CRYBB2: variants seen among roughly 807,000 people sequenced by gnomAD.
CRYBB2 encodes beta-crystallin B2.
In CRYBB2, 12 loss-of-function variants were observed where a neutral mutation model predicts 24.3. That is an observed-to-expected ratio of 0.49 (90% CI 0.32 to 0.80). The LOEUF is 0.80. Among genes scored for constraint, CRYBB2 ranks in the 30% least tolerant of loss-of-function variants. The probability of loss-of-function intolerance (pLI) is 0.04; values close to 1 mark genes in which losing one functional copy is unlikely to be tolerated. For synonymous variants in CRYBB2, 98 were observed against 101.6 expected (o/e 0.96, Z 0.21); for missense variants, 198 against 268.5 (o/e 0.74, Z 1.83).
At chr22:25,227,301 TAAC>T (rs921061167) in intron 3 of CRYBB2, among the ~76,000 whole-genome samples, 7 of 152,056 alleles carry the variant, frequency 4.6e-5, no homozygotes, top group African/African-American at 1.7e-4. Context: ...GGGCAGAGTC[TAAC>T]AACAGGAACA....
intron 2 of CRYBB2, among the ~76,000 whole-genome samples, chr22:25,222,556 T>G (rs1234920373): frequency 1.3e-5 from 2 of 152,042 alleles, no homozygotes; most frequent in African/African-American, 2.4e-5. Flanking sequence ...CTGGGCAACA[T>G]AGTGAGATCC....
upstream of CRYBB2, among the ~76,000 whole-genome samples, chr22:25,216,880 T>TG (rs1747487463): frequency 2.0e-5 from 3 of 152,206 alleles, no homozygotes; most frequent in Middle Eastern, 3.2e-3. Context: ...TCATACAATA[T>TG]TTGTCCTTTT....
upstream of CRYBB2, among the ~76,000 whole-genome samples, chr22:25,217,287 C>A (rs184489352): frequency 6.6e-6 from 1 of 151,940 alleles, no homozygotes; most frequent in Non-Finnish European, 1.5e-5. Flanking sequence ...CACTTTATTA[C>A]AGCAGCCCTG....
upstream of CRYBB2, among the ~76,000 whole-genome samples, chr22:25,216,787 C>T (rs187072293): frequency 4.1e-4 from 63 of 152,270 alleles, no homozygotes; most frequent in African/African-American, 1.4e-3. Context: ...CCCCATTCCC[C>T]GCTCCTCCCA....
At chr22:25,217,103 A>G (rs1935180350), upstream of CRYBB2, among the ~76,000 whole-genome samples, 1 of 151,740 alleles carries the variant, frequency 6.6e-6, no homozygotes, top group South Asian at 2.1e-4. Context: ...ATATCTCTTC[A>G]ATTCCCTGCT....
chr22:25,218,846 A>AAG (rs1228113746), upstream of CRYBB2, among the ~76,000 whole-genome samples: 1 of 122,218 alleles, frequency 8.2e-6, no homozygotes, highest in African/African-American at 3.5e-5. Flanking sequence ...AAGAGAAAGA[A>AAG]AGAAAGAAAG....
In CRYBB2 at chr22:25,227,965, T is replaced by A. The variant is rs1209599726; in HGVS notation, c.286T>A (p.Ser96Thr). The part of the protein sequence containing the change: ...TSSRRTDSLS[S>T]LRPIKVDSQE... The stretch of plus-strand genomic sequence containing the variant: ...CAGCCGAAGGACGGACTCCCTCAGC[T>A]CCCTGAGGCCCATCAAAGTGGTGAG... The change falls in exon 4 of 6, where the codon TCC (serine) becomes ACC (threonine). Residue 96 changes from serine to threonine, a missense_variant. Ser to Thr is a moderately conservative substitution (Grantham distance 58, BLOSUM62 1). Coordinates refer to ENST00000398215, the MANE Select transcript of CRYBB2 (RefSeq NM_000496.3). 2 of 1,614,074 alleles carry A rather than the reference T, an allele frequency of 1.2e-6. No homozygotes were observed. The highest frequency in any genetic ancestry group is 4.5e-5 in the East Asian group (2 of 44,870).
At chr22:25,220,247 G>A (rs1233068047) in intron 1 of CRYBB2, among the ~76,000 whole-genome samples, 2 of 152,190 alleles carry the variant, frequency 1.3e-5, no homozygotes, top group African/African-American at 4.8e-5. Context: ...ACGGCCAAGT[G>A]CTTCCGGTTT....
chr22:25,218,826 GA>G (rs1236762147), upstream of CRYBB2, among the ~76,000 whole-genome samples: 8 of 113,764 alleles, frequency 7.0e-5, no homozygotes, highest in Admixed American at 1.6e-4. Flanking sequence ...AAGAAAGAAA[GA>G]AAGAAAGAAA....
intron 3 of CRYBB2, 67 bp downstream of exon 3, chr22:25,225,103 G>A: frequency 1.1e-6 from 1 of 885,358 alleles, no homozygotes; most frequent in South Asian, 1.3e-5. Context: ...TGGAGTGGGG[G>A]AATCTACCCT....
intron 3 of CRYBB2, among the ~76,000 whole-genome samples, chr22:25,226,155 A>G (rs1283003288): frequency 7.0e-6 from 1 of 142,652 alleles, no homozygotes; most frequent in African/African-American, 2.6e-5. Context: ...TTTTGGTATG[A>G]ATTTGGATTT....
chr22:25,229,307 G>A (rs531308616), intron 4 of CRYBB2, 129 bp from the exon 5 acceptor site: 1 of 1,494,566 alleles, frequency 6.7e-7, no homozygotes, highest in Non-Finnish European at 9.1e-7. Flanking sequence ...TAGACACGTA[G>A]TGGGTGCACT....
chr22:25,231,540 C>G, intron 5 of CRYBB2, 64 bp from the exon 6 acceptor site: 1 of 1,506,788 alleles, frequency 6.6e-7, no homozygotes. Context: ...CCCCTCGCCT[C>G]TCTCTCTGTC....
At chr22:25,223,846 C>T (rs1019337493) in intron 2 of CRYBB2, among the ~76,000 whole-genome samples, 3 of 152,034 alleles carry the variant, frequency 2.0e-5, no homozygotes, top group African/African-American at 7.3e-5. Context: ...GGAGGCCGGG[C>T]GCGGTGGCTC....
upstream of CRYBB2, among the ~76,000 whole-genome samples, chr22:25,219,004 T>G (rs1475578152): frequency 6.6e-6 from 1 of 152,134 alleles, no homozygotes; most frequent in African/African-American, 2.4e-5. Flanking sequence ...TTTGTTAACC[T>G]GTTTTCAGGT....
upstream of CRYBB2, among the ~76,000 whole-genome samples, chr22:25,216,281 C>T (rs1229856014): frequency 6.6e-6 from 1 of 152,134 alleles, no homozygotes; most frequent in Non-Finnish European, 1.5e-5. Context: ...ACAGAAGGAA[C>T]CAATTTGAAA....
intron 2 of CRYBB2, among the ~76,000 whole-genome samples, chr22:25,224,139 A>C (rs993489787): frequency 6.6e-6 from 1 of 151,464 alleles, no homozygotes; most frequent in African/African-American, 2.4e-5. Flanking sequence ...AAAAAAACAA[A>C]AAACCTCACT....
chr22:25,215,092 G>A (rs543020676), upstream of CRYBB2, among the ~76,000 whole-genome samples: 2 of 152,354 alleles, frequency 1.3e-5, no homozygotes, highest in East Asian at 3.9e-4. Context: ...CAGGGACCAA[G>A]TGTTGGGAAC....
upstream of CRYBB2, among the ~76,000 whole-genome samples, chr22:25,218,792 A>AAAAGAAAGAAAGAG (rs1935256597): frequency 9.3e-6 from 1 of 107,368 alleles, no homozygotes; most frequent in Non-Finnish European, 1.9e-5. Flanking sequence ...GAAAGAAAGA[A>AAAAGAAAGAAAGAG]AGAAAGAAAG....
Sources: allele counts gnomAD v4.1 joint callset (sites outside exome capture counted in the v4.1 genomes callset), GRCh38; gene constraint gnomAD v4.1.1; transcripts MANE v1.5; gene names NCBI Gene and HGNC (gene_info 2026-07-23, HGNC 2026-07-21).